ANXA8: variants seen among roughly 807,000 people sequenced by gnomAD.
ANXA8 encodes the protein VAC-beta.
ANXA8 carries 9 observed loss-of-function variants against 26.8 expected under a neutral mutation model. The observed-to-expected ratio is 0.34, with a 90% confidence interval of 0.20 to 0.59. ANXA8 has a LOEUF of 0.59. ANXA8 is among the 20% of genes least tolerant of loss of function. The pLI, the probability that ANXA8 is intolerant of heterozygous loss-of-function variation, is 0.84. For missense variants in ANXA8, 83 were observed against 238.5 expected (o/e 0.35, Z 4.29); for synonymous variants, 39 against 94.8 (o/e 0.41, Z 3.42).
At chr10:47,748,142 A>G in the ANXA8 span, among the ~76,000 whole-genome samples, 2 of 151,884 alleles carry the variant, frequency 1.3e-5, no homozygotes, top group African/African-American at 4.8e-5. Flanking sequence ...TCCAAAACTG[A>G]TAAAGCTTTA....
chr10:47,486,106 T>C (rs1840040379), upstream of ANXA8, among the ~76,000 whole-genome samples: 1 of 142,922 alleles, frequency 7.0e-6, no homozygotes, highest in Admixed American at 7.1e-5. Context: ...AAACTCCGTC[T>C]TTAAAAAAAA....
the ANXA8 span, among the ~76,000 whole-genome samples, chr10:47,687,178 G>A: frequency 1.3e-5 from 2 of 151,644 alleles, no homozygotes; most frequent in Non-Finnish European, 2.9e-5. Flanking sequence ...CATTGGAGAA[G>A]AAAGCCAAAG....
the ANXA8 span, among the ~76,000 whole-genome samples, chr10:47,618,371 C>T: frequency 9.0e-6 from 1 of 110,758 alleles, no homozygotes; most frequent in South Asian, 2.9e-4. Context: ...TGACAAGTCA[C>T]TTATCATTTA....
the ANXA8 span, chr10:47,491,782 C>A: frequency 3.4e-6 from 5 of 1,466,484 alleles, no homozygotes; most frequent in Non-Finnish European, 4.7e-6. Flanking sequence ...GCCCTCACCC[C>A]AGCCCAGTAG....
chr10:47,554,017 A>T, the ANXA8 span, among the ~76,000 whole-genome samples: 3 of 148,730 alleles, frequency 2.0e-5, no homozygotes. Context: ...CACGCCTGTA[A>T]TCCCAGCCTT....
chr10:47,706,008 G>T, the ANXA8 span, among the ~76,000 whole-genome samples: 64 of 151,786 alleles, frequency 4.2e-4, 1 homozygote, highest in Middle Eastern at 3.4e-3. Flanking sequence ...TGTTGTGGGG[G>T]GGGAGGGGCG....
chr10:47,576,455 CTT>C, the ANXA8 span, among the ~76,000 whole-genome samples: 694 of 73,718 alleles, frequency 9.4e-3, no homozygotes, highest in African/African-American at 0.024. Context: ...ACATCCCTAT[CTT>C]TTTTTTTTTT....
At chr10:47,488,843 T>G (rs1840093783), upstream of ANXA8, among the ~76,000 whole-genome samples, 1 of 138,988 alleles carries the variant, frequency 7.2e-6, no homozygotes, top group Non-Finnish European at 1.5e-5. Flanking sequence ...TTCTCCTGCC[T>G]CAGCCTCCCG....
the ANXA8 span, among the ~76,000 whole-genome samples, chr10:47,749,435 A>AT: frequency 1.5e-4 from 23 of 151,076 alleles, no homozygotes; most frequent in East Asian, 4.5e-3. Context: ...GCACATAGCA[A>AT]TAATAATAAT....
chr10:47,618,863 TG>T, the ANXA8 span, among the ~76,000 whole-genome samples: 1 of 114,380 alleles, frequency 8.7e-6, no homozygotes, highest in African/African-American at 3.4e-5. Flanking sequence ...ACTCTCCATG[TG>T]GCCTTAGGTA....
chr10:47,982,801 CATATATATATATAT>C, the ANXA8 span, among the ~76,000 whole-genome samples: 39 of 12,946 alleles, frequency 3.0e-3, 2 homozygotes, highest in East Asian at 0.061. Flanking sequence ...ATTTGCAAAT[CATATATATATATAT>C]ATATATATAT....
At chr10:47,590,037 C>A in the ANXA8 span, 1 of 146,058 alleles carries the variant, frequency 6.8e-6, no homozygotes, top group Admixed American at 6.7e-5. Flanking sequence ...CCATTCCCCC[C>A]TGACAGGGGT....
chr10:47,503,029 A>C, the ANXA8 span: 7 of 1,608,202 alleles, frequency 4.4e-6, no homozygotes, highest in South Asian at 2.2e-5. Flanking sequence ...CCCGGTGTCC[A>C]TGTCCTTGGA....
At chr10:47,970,310 T>A in the ANXA8 span, 1 of 151,412 alleles carries the variant, frequency 6.6e-6, no homozygotes, top group Non-Finnish European at 1.5e-5. Context: ...CCTCGCTCAC[T>A]GGAGACTCCA....
chr10:47,610,761 A>G, the ANXA8 span, among the ~76,000 whole-genome samples: 1 of 147,556 alleles, frequency 6.8e-6, no homozygotes, highest in Non-Finnish European at 1.5e-5. Flanking sequence ...ATTATGAATT[A>G]TTCTGTAGAT....
chr10:47,490,612 C>T, the ANXA8 span, among the ~76,000 whole-genome samples: 1 of 151,014 alleles, frequency 6.6e-6, no homozygotes, highest in Admixed American at 6.6e-5. Flanking sequence ...GCCAGCAAGT[C>T]TAGCAAGCCC....
chr10:47,575,044 AG>A, the ANXA8 span, among the ~76,000 whole-genome samples: 1 of 131,926 alleles, frequency 7.6e-6, no homozygotes, highest in South Asian at 2.4e-4. Context: ...CTACTTGGTA[AG>A]GAGGGCTTAT....
the ANXA8 span, among the ~76,000 whole-genome samples, chr10:47,979,498 T>C: frequency 5.3e-5 from 8 of 151,562 alleles, no homozygotes; most frequent in African/African-American, 1.9e-4. Context: ...TTTGCAGATA[T>C]GATTAAGGGT....
the ANXA8 span, among the ~76,000 whole-genome samples, chr10:47,511,013 G>A: frequency 1.0e-3 from 128 of 126,474 alleles, 10 homozygotes; most frequent in South Asian, 0.033. Flanking sequence ...GCGCGATCTC[G>A]GCTCACTGCA....
Sources: gnomAD v4.1 joint callset for allele counts (sites outside exome capture counted in the v4.1 genomes callset) on GRCh38, gnomAD v4.1.1 for gene constraint, MANE v1.5 for transcripts, NCBI Gene and HGNC (gene_info 2026-07-23, HGNC 2026-07-21) for gene names.